The following PRKAR1A variants were observed in gnomAD, a reference collection of about 807,000 sequenced individuals.
The protein encoded by PRKAR1A is protein kinase cAMP-dependent type I regulatory subunit alpha, also known as cAMP-dependent protein kinase type I-alpha regulatory subunit.
A neutral mutation model predicts 52.0 loss-of-function variants in PRKAR1A; 3 were observed. The observed-to-expected ratio is 0.06, with a 90% confidence interval of 0.03 to 0.15. The LOEUF is 0.15. Ranked by LOEUF, PRKAR1A falls within the 10% of genes least tolerant of loss-of-function variation. PRKAR1A has a pLI of 1.00. For missense variants in PRKAR1A, 240 were observed against 477.4 expected (o/e 0.50, Z 4.63); for synonymous variants, 188 against 168.4 (o/e 1.12, Z -0.90).
At chr17:68,429,052 C>G in the PRKAR1A span, 1 of 731,974 alleles carries the variant, frequency 1.4e-6, no homozygotes, top group Non-Finnish European at 2.3e-6. Flanking sequence ...TTGACAAACC[C>G]TTAGCCCACT....
At chr17:68,422,722 C>G in the PRKAR1A span, 22 of 101,314 alleles carry the variant, frequency 2.2e-4, no homozygotes, top group Non-Finnish European at 4.0e-4. Flanking sequence ...GAGTGAGACT[C>G]TATCATCTCA....
At chr17:68,417,733 A>ATTTTTTTTTTTTTTTTTT in the PRKAR1A span, among the ~76,000 whole-genome samples, 7 of 60,832 alleles carry the variant, frequency 1.2e-4, 3 homozygotes, top group Non-Finnish European at 1.4e-4. Context: ...GAGTTGCTGA[A>ATTTTTTTTTTTTTTTTTT]TTTTTTTTTT....
chr17:68,512,238 AG>A (rs2085279593), upstream of PRKAR1A: 1 of 153,210 alleles, frequency 6.5e-6, no homozygotes, highest in Non-Finnish European at 1.5e-5. Context: ...GCTGTGGATA[AG>A]GGACGAGTAA....
At chr17:68,479,576 G>T in the PRKAR1A span, among the ~76,000 whole-genome samples, 1 of 152,100 alleles carries the variant, frequency 6.6e-6, no homozygotes, top group Non-Finnish European at 1.5e-5. Context: ...CATCCTCTAT[G>T]ACTCTTAACT....
At chr17:68,547,832 T>C (rs12942149) in intron 11 of PRKAR1A, among the ~76,000 whole-genome samples, 29,982 of 152,206 alleles carry the variant, frequency 0.2, 3,125 homozygotes, top group African/African-American at 0.26. Flanking sequence ...TCAAGAACTT[T>C]TCCTTTGCAT....
the PRKAR1A span, among the ~76,000 whole-genome samples, chr17:68,470,712 A>G: frequency 2.0e-5 from 3 of 152,222 alleles, no homozygotes; most frequent in Admixed American, 1.3e-4. Context: ...AAAAAACAAT[A>G]AAAACATGTG....
chr17:68,509,452 C>A (rs546812819), upstream of PRKAR1A, among the ~76,000 whole-genome samples: 2 of 152,264 alleles, frequency 1.3e-5, no homozygotes, highest in African/African-American at 4.8e-5. Context: ...AGATGTTAGC[C>A]ACCAGTTAAA....
chr17:68,529,130 A>T, intron 9 of PRKAR1A, 139 bp downstream of exon 9: 3 of 1,013,006 alleles, frequency 3.0e-6, no homozygotes, highest in Non-Finnish European at 4.3e-6. Flanking sequence ...ATACCTGACC[A>T]TTTTATTTTA....
chr17:68,485,223 CAGAT>C, the PRKAR1A span, among the ~76,000 whole-genome samples: 1 of 152,156 alleles, frequency 6.6e-6, no homozygotes, highest in Non-Finnish European at 1.5e-5. Context: ...AAGCTCAAGA[CAGAT>C]GGAGAGTGGG....
At chr17:68,439,098 A>C in the PRKAR1A span, among the ~76,000 whole-genome samples, 1 of 152,186 alleles carries the variant, frequency 6.6e-6, no homozygotes, top group African/African-American at 2.4e-5. Flanking sequence ...GCTAAACATA[A>C]AGTTCTCATA....
intron 6 of PRKAR1A, 54 bp from the exon 7 acceptor site, chr17:68,525,693 TTTTAACA>T (rs1336242061): frequency 1.3e-4 from 197 of 1,569,510 alleles, no homozygotes; most frequent in Non-Finnish European, 1.6e-4. Flanking sequence ...GTTTGAGGGT[TTTTAACA>T]TTTAAGTGTT....
the PRKAR1A span, chr17:68,452,864 T>C: frequency 6.4e-7 from 1 of 1,568,150 alleles, no homozygotes. Flanking sequence ...AGAAGGAGGC[T>C]CTGGTTCTCC....
chr17:68,535,930 ACT>A (rs979417839), downstream of PRKAR1A: 24 of 453,946 alleles, frequency 5.3e-5, no homozygotes, highest in African/African-American at 3.8e-4. Context: ...GATTTTGCTT[ACT>A]CTCTCTGAGA....
the PRKAR1A span, among the ~76,000 whole-genome samples, chr17:68,481,490 G>GCCTA: frequency 6.6e-6 from 1 of 152,290 alleles, no homozygotes; most frequent in Non-Finnish European, 1.5e-5. Context: ...GAAGCACACA[G>GCCTA]CCTAGATCCC....
chr17:68,550,384 TTTTTTTTTTTTTA>T, intron 11 of PRKAR1A, among the ~76,000 whole-genome samples: 1 of 136,936 alleles, frequency 7.3e-6, no homozygotes, highest in South Asian at 2.4e-4. Flanking sequence ...TTTTTTTTTT[TTTTTTTTTTTTTA>T]AGATAGAGAG....
the PRKAR1A span, among the ~76,000 whole-genome samples, chr17:68,417,733 ATTTTTTTTT>A: frequency 3.5e-4 from 21 of 60,832 alleles, no homozygotes; most frequent in Admixed American, 9.2e-4. Context: ...GAGTTGCTGA[ATTTTTTTTT>A]TTTTTTTTTT....
intron 11 of PRKAR1A, chr17:68,540,847 A>G (rs1333462381): frequency 1.9e-6 from 3 of 1,595,440 alleles, no homozygotes; most frequent in South Asian, 1.1e-5. Flanking sequence ...GTGGGGACCT[A>G]CCTATCAAGA....
chr17:68,456,945 T>A, the PRKAR1A span, among the ~76,000 whole-genome samples: 6 of 152,208 alleles, frequency 3.9e-5, no homozygotes, highest in East Asian at 1.2e-3. Context: ...GAGTCCTGGG[T>A]CAACTTGCAA....
chr17:68,454,929 C>T, the PRKAR1A span, among the ~76,000 whole-genome samples: 2 of 152,044 alleles, frequency 1.3e-5, no homozygotes, highest in East Asian at 1.9e-4. Flanking sequence ...TGATCAATGG[C>T]CACAAAAGAC....
Sources: gnomAD v4.1 joint callset for allele counts (sites outside exome capture counted in the v4.1 genomes callset) on GRCh38, gnomAD v4.1.1 for gene constraint, MANE v1.5 for transcripts, NCBI Gene and HGNC (gene_info 2026-07-23, HGNC 2026-07-21) for gene names.